NR2F1-AS1: variants seen among roughly 807,000 people sequenced by gnomAD.
The protein encoded by NR2F1-AS1 is NR2F1 antisense RNA 1.
chr5:93,546,790 G>C (rs139268262), intron 4 of NR2F1-AS1, among the ~76,000 whole-genome samples: 2 of 152,084 alleles, frequency 1.3e-5, no homozygotes, highest in Non-Finnish European at 1.5e-5. Flanking sequence ...CAACTGTGAT[G>C]GTTAGTTTTA....
chr5:93,536,753 A>G (rs943082186), intron 4 of NR2F1-AS1, among the ~76,000 whole-genome samples: 2 of 152,194 alleles, frequency 1.3e-5, no homozygotes, highest in Non-Finnish European at 1.5e-5. Flanking sequence ...ATGAGAATAG[A>G]TATCTACCTC....
chr5:93,442,288 T>A (rs1749589044), intron 4 of NR2F1-AS1, among the ~76,000 whole-genome samples: 1 of 152,174 alleles, frequency 6.6e-6, no homozygotes, highest in Non-Finnish European at 1.5e-5. Context: ...TTCCCTTTCC[T>A]AGCCAAGGGA....
At chr5:93,429,873 T>C (rs1344276572) in intron 4 of NR2F1-AS1, among the ~76,000 whole-genome samples, 1 of 152,216 alleles carries the variant, frequency 6.6e-6, no homozygotes, top group Non-Finnish European at 1.5e-5. Context: ...TTCATCTATA[T>C]ACAGTTACAC....
chr5:93,533,014 C>T (rs938238036), intron 4 of NR2F1-AS1, among the ~76,000 whole-genome samples: 7 of 152,176 alleles, frequency 4.6e-5, no homozygotes, highest in African/African-American at 9.7e-5. Flanking sequence ...AAAAATCACA[C>T]GATCTTTTAG....
chr5:93,541,363 C>T (rs986871880), intron 4 of NR2F1-AS1, among the ~76,000 whole-genome samples: 1 of 152,172 alleles, frequency 6.6e-6, no homozygotes, highest in African/African-American at 2.4e-5. Context: ...CTTTTTCCTC[C>T]TGGGAACAAC....
At chr5:93,474,744 T>C (rs1373999604) in intron 4 of NR2F1-AS1, among the ~76,000 whole-genome samples, 1 of 152,198 alleles carries the variant, frequency 6.6e-6, no homozygotes, top group Non-Finnish European at 1.5e-5. Context: ...CATGACTTAA[T>C]TACCTGCTAA....
At chr5:93,576,155 G>A (rs1752889144) in intron 1 of NR2F1-AS1, among the ~76,000 whole-genome samples, 1 of 152,128 alleles carries the variant, frequency 6.6e-6, no homozygotes, top group African/African-American at 2.4e-5. Flanking sequence ...ACACCAACCT[G>A]AGCCCTAGAA....
chr5:93,555,540 G>C (rs1042699327), intron 2 of NR2F1-AS1, among the ~76,000 whole-genome samples: 2 of 152,182 alleles, frequency 1.3e-5, no homozygotes, highest in Non-Finnish European at 2.9e-5. Context: ...CCTGTATTCT[G>C]ACTAAAGGAG....
At chr5:93,453,381 A>G (rs924621137) in intron 4 of NR2F1-AS1, among the ~76,000 whole-genome samples, 5 of 152,144 alleles carry the variant, frequency 3.3e-5, no homozygotes, top group African/African-American at 1.2e-4. Context: ...AGAAAAAAAT[A>G]TTTGAAAAAA....
chr5:93,514,792 G>C (rs1451597793), intron 4 of NR2F1-AS1, among the ~76,000 whole-genome samples: 1 of 151,906 alleles, frequency 6.6e-6, no homozygotes, highest in Non-Finnish European at 1.5e-5. Flanking sequence ...GCTTATGAAA[G>C]AAATGAAGAA....
intron 4 of NR2F1-AS1, among the ~76,000 whole-genome samples, chr5:93,504,289 G>C (rs937388800): frequency 6.6e-6 from 1 of 152,018 alleles, no homozygotes; most frequent in Admixed American, 6.6e-5. Context: ...GGAATATTCT[G>C]TACAAACAAA....
intron 4 of NR2F1-AS1, among the ~76,000 whole-genome samples, chr5:93,505,782 T>A (rs925716971): frequency 1.3e-5 from 2 of 152,064 alleles, no homozygotes; most frequent in Non-Finnish European, 2.9e-5. Flanking sequence ...CAAAACCACA[T>A]TTTTCTTCCG....
chr5:93,466,917 G>GC (rs1491031705), intron 4 of NR2F1-AS1, among the ~76,000 whole-genome samples: 1 of 114,910 alleles, frequency 8.7e-6, no homozygotes, highest in African/African-American at 3.0e-5. Context: ...GGGGGGGGGG[G>GC]GTGGACGGAG....
chr5:93,577,636 A>T (rs1667969866), intron 1 of NR2F1-AS1, among the ~76,000 whole-genome samples: 1 of 152,226 alleles, frequency 6.6e-6, no homozygotes, highest in South Asian at 2.1e-4. Flanking sequence ...CTTCCAAAAG[A>T]TCTGTGTGAG....
intron 4 of NR2F1-AS1, among the ~76,000 whole-genome samples, chr5:93,549,799 T>C (rs1477591514): frequency 6.6e-6 from 1 of 152,080 alleles, no homozygotes; most frequent in Non-Finnish European, 1.5e-5. Flanking sequence ...AAAGGATGGG[T>C]TCATGTCCTT....
chr5:93,462,810 T>G (rs547927104), intron 4 of NR2F1-AS1, among the ~76,000 whole-genome samples: 78 of 152,256 alleles, frequency 5.1e-4, no homozygotes, highest in Non-Finnish European at 8.8e-4. Context: ...TGTAGAACTT[T>G]GAACTTGAGG....
chr5:93,521,274 C>T (rs1457730659), intron 4 of NR2F1-AS1, among the ~76,000 whole-genome samples: 1 of 152,038 alleles, frequency 6.6e-6, no homozygotes, highest in African/African-American at 2.4e-5. Flanking sequence ...TCCTGTAAGA[C>T]AATCTAGGCA....
chr5:93,505,606 T>C (rs1264864854), intron 4 of NR2F1-AS1, among the ~76,000 whole-genome samples: 20 of 152,232 alleles, frequency 1.3e-4, no homozygotes, highest in Admixed American at 1.3e-4. Flanking sequence ...TTCTGTGCCC[T>C]TGCAGGCTCA....
chr5:93,584,199 T>C (rs1015173253), upstream of NR2F1-AS1: 5 of 148,322 alleles, frequency 3.4e-5, no homozygotes, highest in African/African-American at 1.2e-4. Context: ...CCGCTCGCGC[T>C]CCGGCTGCGG....
Sources: allele counts gnomAD v4.1 joint callset (sites outside exome capture counted in the v4.1 genomes callset), GRCh38; gene constraint gnomAD v4.1.1; transcripts MANE v1.5; gene names NCBI Gene and HGNC (gene_info 2026-07-23, HGNC 2026-07-21).